Variants in GPR158 observed in about 807,000 individuals in gnomAD.
GPR158 encodes metabotropic glycine receptor.
GPR158 carries 30 observed loss-of-function variants against 78.2 expected under a neutral mutation model. The observed-to-expected ratio is 0.38, with a 90% CI of 0.29 to 0.52. The LOEUF (loss-of-function observed/expected upper bound fraction) is 0.52. Ranked by LOEUF, GPR158 falls within the 20% of genes least tolerant of loss-of-function variation. The pLI is 0.83. For synonymous variants in GPR158, 581 were observed against 591.1 expected (o/e 0.98, Z 0.25); for missense variants, 1,463 against 1,523.5 (o/e 0.96, Z 0.66).
intron 1 of GPR158, among the ~76,000 whole-genome samples, chr10:25,200,856 G>GTTTTTTTT (rs764033840): frequency 8.7e-6 from 1 of 115,410 alleles, no homozygotes; most frequent in Non-Finnish European, 1.8e-5. Flanking sequence ...CTATGTATCT[G>GTTTTTTTT]TTTTTTGTTT....
At chr10:25,582,022 C>T (rs1425310369) in intron 7 of GPR158, among the ~76,000 whole-genome samples, 3 of 152,076 alleles carry the variant, frequency 2.0e-5, no homozygotes, top group East Asian at 3.9e-4. Flanking sequence ...AAAGGGGTTT[C>T]CCTTTATAAA....
Position 25,572,887 on chromosome 10 carries a change from G to GCT in GPR158, c.1753_1753+1insCT (p.Glu586LeufsTer60). 2 of 1,533,404 alleles carry GCT rather than the reference G, an allele frequency of 1.3e-6. No individual in the cohort carries two copies. Among genetic ancestry groups the GCT allele is most frequent in the Non-Finnish European group, 1.8e-6 (2 of 1,106,474 alleles). The allele number at this position is 1,533,404 out of a possible 1,614,324, so 95.0% of individuals were successfully genotyped here. On this transcript the variant is annotated frameshift_variant and splice_region_variant. Coordinates refer to ENST00000376351, the MANE Select transcript of GPR158 (RefSeq NM_020752.3). LOFTEE classifies it high-confidence loss of function. ...CCGCTGGGACTACATGACAGCAGTT[G>GCT]GTATGTGGTCACTTGTTTCGTATGA...
intron 6 of GPR158, among the ~76,000 whole-genome samples, chr10:25,568,673 A>G (rs1199983829): frequency 6.6e-6 from 1 of 152,232 alleles, no homozygotes; most frequent in Non-Finnish European, 1.5e-5. Flanking sequence ...GCAGATGAAT[A>G]TAATGACAAT....
At chr10:25,275,636 C>T (rs941169952) in intron 2 of GPR158, among the ~76,000 whole-genome samples, 2 of 152,280 alleles carry the variant, frequency 1.3e-5, no homozygotes, top group African/African-American at 4.8e-5. Flanking sequence ...ATTGCTCCAA[C>T]TCTGACACAG....
chr10:25,371,765 C>T (rs1206102366), intron 2 of GPR158, among the ~76,000 whole-genome samples: 1 of 134,640 alleles, frequency 7.4e-6, no homozygotes, highest in Non-Finnish European at 1.6e-5. Context: ...AGAAGAAAAC[C>T]TAGGCATTAC....
intron 1 of GPR158, among the ~76,000 whole-genome samples, chr10:25,191,745 T>G (rs1173585760): frequency 2.0e-5 from 3 of 152,134 alleles, no homozygotes; most frequent in Non-Finnish European, 4.4e-5. Context: ...AAGGAGCCTA[T>G]CAGTACTGCA....
chr10:25,566,643 C>A (rs1318214560), intron 6 of GPR158, among the ~76,000 whole-genome samples: 3 of 152,168 alleles, frequency 2.0e-5, no homozygotes, highest in Non-Finnish European at 2.9e-5. Context: ...ATATTTAGAA[C>A]CCAGTTGTGA....
chr10:25,265,652 C>A (rs1854036267), intron 2 of GPR158, among the ~76,000 whole-genome samples: 1 of 152,076 alleles, frequency 6.6e-6, no homozygotes, highest in Admixed American at 6.6e-5. Flanking sequence ...GTAGGAAGCA[C>A]AAAGCAGGTT....
intron 2 of GPR158, among the ~76,000 whole-genome samples, chr10:25,252,084 C>T (rs2130722920): frequency 6.6e-6 from 1 of 152,152 alleles, no homozygotes; most frequent in Admixed American, 6.5e-5. Flanking sequence ...TTGCTGACAC[C>T]CTTTCTTCCA....
At chr10:25,499,607 T>C (rs1835928193) in intron 5 of GPR158, among the ~76,000 whole-genome samples, 1 of 152,200 alleles carries the variant, frequency 6.6e-6, no homozygotes, top group Non-Finnish European at 1.5e-5. Flanking sequence ...TGACATTAAC[T>C]AATAAACATT....
chr10:25,208,170 G>C (rs573210264), intron 1 of GPR158, among the ~76,000 whole-genome samples: 2 of 152,134 alleles, frequency 1.3e-5, no homozygotes, highest in African/African-American at 4.8e-5. Flanking sequence ...ATTGGTCAGG[G>C]TTGGTAACCA....
intron 5 of GPR158, among the ~76,000 whole-genome samples, chr10:25,539,234 G>T (rs550793866): frequency 2.3e-4 from 35 of 152,302 alleles, no homozygotes; most frequent in African/African-American, 7.5e-4. Flanking sequence ...CTGCTGCCTA[G>T]TTGGGGCATG....
chr10:25,395,523 C>T (rs1012302619), intron 2 of GPR158, among the ~76,000 whole-genome samples: 1 of 152,128 alleles, frequency 6.6e-6, no homozygotes, highest in Non-Finnish European at 1.5e-5. Flanking sequence ...TACCCACCTA[C>T]CTACCTTTGC....
chr10:25,533,984 T>C (rs1378539867), intron 5 of GPR158, among the ~76,000 whole-genome samples: 1 of 152,214 alleles, frequency 6.6e-6, no homozygotes, highest in Non-Finnish European at 1.5e-5. Flanking sequence ...AGTTATTTTA[T>C]GTAGGGCACT....
intron 7 of GPR158, among the ~76,000 whole-genome samples, chr10:25,583,657 A>AT (rs10700827): frequency 0.3 from 44,748 of 150,638 alleles, 6,911 homozygotes; most frequent in East Asian, 0.49. Context: ...AATTGTAAAT[A>AT]TTTTTTTTTT....
chr10:25,436,643 G>A (rs1835002150), intron 4 of GPR158, among the ~76,000 whole-genome samples: 1 of 152,220 alleles, frequency 6.6e-6, no homozygotes, highest in African/African-American at 2.4e-5. Context: ...ACTACTGCGT[G>A]ATGGAATAAA....
chr10:25,507,492 T>C (rs1325085070), intron 5 of GPR158, among the ~76,000 whole-genome samples: 2 of 152,198 alleles, frequency 1.3e-5, no homozygotes, highest in African/African-American at 2.4e-5. Flanking sequence ...AATTTTCATG[T>C]TGTGTTTGTA....
intron 5 of GPR158, among the ~76,000 whole-genome samples, chr10:25,480,414 C>T (rs909817582): frequency 6.6e-6 from 1 of 152,186 alleles, no homozygotes; most frequent in African/African-American, 2.4e-5. Flanking sequence ...CAGTGTTGTG[C>T]AGCCATGGCT....
intron 2 of GPR158, among the ~76,000 whole-genome samples, chr10:25,266,706 C>T (rs1854049403): frequency 6.6e-6 from 1 of 151,936 alleles, no homozygotes; most frequent in South Asian, 2.1e-4. Flanking sequence ...TAAATAGTAG[C>T]TGCTTCCAAT....
Sources: gnomAD v4.1 joint callset for allele counts (sites outside exome capture counted in the v4.1 genomes callset) on GRCh38, gnomAD v4.1.1 for gene constraint, MANE v1.5 for transcripts, NCBI Gene and HGNC (gene_info 2026-07-23, HGNC 2026-07-21) for gene names.